Variants in PBX4 observed in about 807,000 individuals in gnomAD.
PBX4 encodes PBX homeobox 4, also known as pre-B-cell leukemia transcription factor 4.
A neutral mutation model predicts 35.1 loss-of-function variants in PBX4; 26 were observed. That is an observed-to-expected ratio of 0.74 (90% CI 0.54 to 1.03). The LOEUF (loss-of-function observed/expected upper bound fraction) is 1.03, where lower values mean the gene tolerates loss of function less well. Ranked by LOEUF, PBX4 falls within the 50% of genes least tolerant of loss-of-function variation. The pLI, the probability that PBX4 is intolerant of heterozygous loss-of-function variation, is 0.00. For missense variants in PBX4, 448 were observed against 504.3 expected (o/e 0.89, Z 1.07); for synonymous variants, 199 against 204.2 (o/e 0.97, Z 0.22).
intron 1 of PBX4, among the ~76,000 whole-genome samples, chr19:19,607,694 A>AT (rs1192085124): frequency 1.3e-5 from 2 of 152,162 alleles, no homozygotes; most frequent in Non-Finnish European, 2.9e-5. Context: ...TAAAAACATA[A>AT]TCCACATTCT....
In PBX4 at chr19:19,563,255, C is replaced by T. The variant is rs2061319516; in HGVS notation, c.1032+254G>A. On this transcript the variant is annotated intron_variant, in intron 7 of 7. Coordinates refer to ENST00000251203, the MANE Select transcript of PBX4 (RefSeq NM_025245.3). This position sits in a 1 kb window ranked among gnomAD's most constrained non-coding sequence, Gnocchi z 5.1. ...TGCCCTTCCCCTCCACAGCCAAAGC[C>T]CTCATCTTGGGGTTCATCCCCACTG... Among the ~76,000 whole-genome samples, 1 of 152,174 alleles carries T rather than the reference C, an allele frequency of 6.6e-6. No homozygotes were observed. Among genetic ancestry groups the T allele is most frequent in the Non-Finnish European group, 1.5e-5 (1 of 68,020 alleles).
Position 19,563,299 on chromosome 19 carries a change from C to T in PBX4, c.1032+210G>A, listed in dbSNP as rs1003321135. 1.3e-5 allele frequency among the ~76,000 whole-genome samples: 2 copies of T among 152,142 alleles called. No individual in the cohort carries two copies. The highest frequency in any genetic ancestry group is 2.4e-5 in the African/African-American group (1 of 41,418). On this transcript the variant is annotated intron_variant, in intron 7 of 7. Coordinates refer to ENST00000251203, the MANE Select transcript of PBX4 (RefSeq NM_025245.3). This position sits in a 1 kb window ranked among gnomAD's most constrained non-coding sequence, Gnocchi z 5.1. ...CCCACTGACTGTTCCCAGCGGCTGC[C>T]GTGGTGACAAGTGGAGGTGGGGGAG...
chr19:19,617,646 A>AT (rs2061695171), intron 1 of PBX4, among the ~76,000 whole-genome samples: 1 of 152,118 alleles, frequency 6.6e-6, no homozygotes, highest in Non-Finnish European at 1.5e-5. Context: ...GGACTATGTC[A>AT]GCACCCGGTT....
intron 1 of PBX4, among the ~76,000 whole-genome samples, chr19:19,614,674 A>C (rs2061679427): frequency 6.6e-6 from 1 of 152,034 alleles, no homozygotes; most frequent in South Asian, 2.1e-4. Flanking sequence ...AAAAACCCAA[A>C]CCAAACCAAA....
At chr19:19,612,126 C>T (rs938682185) in intron 1 of PBX4, among the ~76,000 whole-genome samples, 4 of 151,724 alleles carry the variant, frequency 2.6e-5, no homozygotes, top group African/African-American at 4.8e-5. Context: ...AAAATTAAGC[C>T]GGGCATGGTG....
rs2061322916 is a variant in PBX4, at chr19:19,563,688, CG to C, written c.926-74del. 1 of 1,294,478 alleles carries C rather than the reference CG, an allele frequency of 7.7e-7. No homozygotes were observed. The highest frequency in any genetic ancestry group is 1.3e-5 in the South Asian group (1 of 78,396). The allele number at this position is 1,294,478 out of a possible 1,614,324, so 80.2% of individuals were successfully genotyped here. ...GGTGGAACCCACCCAGCCCCTCAGCCGGCAGGAGGCCTCGAATGTGGCTCCT... is the reference window on the plus strand; with the variant it reads ...GGTGGAACCCACCCAGCCCCTCAGCCGCAGGAGGCCTCGAATGTGGCTCCT... On this transcript the variant is annotated intron_variant, in intron 6 of 7. Coordinates refer to ENST00000251203, the MANE Select transcript of PBX4 (RefSeq NM_025245.3). This position sits in a 1 kb window ranked among gnomAD's most constrained non-coding sequence, Gnocchi z 5.1.
intron 5 of PBX4, 40 bp downstream of exon 5, chr19:19,569,409 C>T (rs755345779): frequency 4.4e-6 from 7 of 1,585,216 alleles, no homozygotes; most frequent in Admixed American, 3.6e-5. Flanking sequence ...GTCATCCACT[C>T]CTCCCAGGCG....
Position 19,563,807 on chromosome 19 carries a change from T to G in PBX4, c.926-192A>C, listed in dbSNP as rs1249889763. 4 of 547,452 alleles carry G rather than the reference T, an allele frequency of 7.3e-6. No homozygotes were observed. The highest frequency in any genetic ancestry group is 2.0e-5 in the African/African-American group (1 of 50,148). 33.9% of individuals were successfully genotyped at this position (547,452 alleles called of 1,614,324 possible). ...CACACTACTCATGTCCCCTCATGGCTTGTCTTTTTTTTTTCTTTTTAAGAC... is the reference window on the plus strand; with the variant it reads ...CACACTACTCATGTCCCCTCATGGCGTGTCTTTTTTTTTTCTTTTTAAGAC... On this transcript the variant is annotated intron_variant, in intron 6 of 7. Transcript: ENST00000251203. The surrounding 1 kb of genome is among the most constrained non-coding windows in gnomAD (Gnocchi z 5.1).
chr19:19,584,942 T>C (rs1398484877), intron 2 of PBX4, among the ~76,000 whole-genome samples: 1 of 152,048 alleles, frequency 6.6e-6, no homozygotes, highest in Non-Finnish European at 1.5e-5. Context: ...TATCTTATGG[T>C]TTCCTGGGCA....
intron 5 of PBX4, among the ~76,000 whole-genome samples, chr19:19,568,318 CAG>C (rs2061357202): frequency 2.1e-5 from 3 of 143,102 alleles, no homozygotes; most frequent in Non-Finnish European, 4.6e-5. Flanking sequence ...CACACTCTAT[CAG>C]TATCCCTCAG....
intron 2 of PBX4, among the ~76,000 whole-genome samples, chr19:19,582,417 CAGA>C (rs2061460969): frequency 2.0e-5 from 3 of 152,296 alleles, no homozygotes; most frequent in Admixed American, 2.0e-4. Flanking sequence ...AACACACCAG[CAGA>C]AGAACACACC....
In PBX4 at chr19:19,618,499, C is replaced by G; in HGVS notation, c.119+12G>C. 6.8e-7 allele frequency: 1 copy of G among 1,470,904 alleles called. No individual in the cohort carries two copies. The highest frequency in any genetic ancestry group is 9.0e-7 in the Non-Finnish European group (1 of 1,106,286). The allele number at this position is 1,470,904 out of a possible 1,614,324, so 91.1% of individuals were successfully genotyped here. ...GACCCTGCGTGGCCCCTGCCGAGCC[C>G]GCGGGCAGCACCTGGCCTGTGCCTC... On this transcript the variant is annotated intron_variant, in intron 1 of 7. Transcript: ENST00000251203.
Position 19,565,097 on chromosome 19 carries a change from C to G in PBX4, c.769-8G>C, listed in dbSNP as rs2061333795. The G allele has an allele frequency of 6.2e-7, 1 of 1,614,134 alleles. No homozygotes were observed. The highest frequency in any genetic ancestry group is 8.5e-7 in the Non-Finnish European group (1 of 1,180,010). On this transcript the variant is annotated splice_polypyrimidine_tract_variant and splice_region_variant and intron_variant, in intron 5 of 7. Coordinates refer to ENST00000251203, the MANE Select transcript of PBX4 (RefSeq NM_025245.3). Reference sequence around the variant, plus strand: ...GCCAAACCAGTTAGAGACCTGCGGACACACAGGAGTCACTGGAGGAGCTGA... The same window carrying G: ...GCCAAACCAGTTAGAGACCTGCGGAGACACAGGAGTCACTGGAGGAGCTGA...
chr19:19,563,849 C>T lies in PBX4; in HGVS notation c.926-234G>A, dbSNP rs367559141. 1.2e-5 allele frequency: 5 copies of T among 412,490 alleles called. No individual in the cohort carries two copies. Among genetic ancestry groups the T allele is most frequent in the South Asian group, 4.6e-5 (2 of 43,768 alleles). The allele number at this position is 412,490 out of a possible 1,614,324, so 25.6% of individuals were successfully genotyped here. The stretch of plus-strand genomic sequence containing the variant: ...TTTTAAGACAGTCTCGCTCTGTCAC[C>T]CAGGCTTGAGTGCAGTGGCACGATC... On this transcript the variant is annotated intron_variant, in intron 6 of 7. Transcript: ENST00000251203. The surrounding 1 kb of genome is among the most constrained non-coding windows in gnomAD (Gnocchi z 5.1).
chr19:19,597,479 G>A (rs1336346773), intron 2 of PBX4, among the ~76,000 whole-genome samples: 1 of 152,158 alleles, frequency 6.6e-6, no homozygotes, highest in African/African-American at 2.4e-5. Context: ...TTCAGCCAAG[G>A]ACCAGGGTCA....
At position 19,563,661 on chromosome 19, in the gene PBX4, C is replaced by A; in HGVS notation, c.926-46G>T. The A allele has an allele frequency of 6.8e-7, 1 of 1,475,512 alleles. No individual in the cohort carries two copies. Among genetic ancestry groups the A allele is most frequent in the South Asian group, 1.2e-5 (1 of 82,364 alleles). The allele number at this position is 1,475,512 out of a possible 1,614,324, so 91.4% of individuals were successfully genotyped here. A position where few individuals can be genotyped will look rare whatever the true frequency, so the allele number is the denominator to read the frequency against. On this transcript the variant is annotated intron_variant, in intron 6 of 7. Transcript: ENST00000251203. The surrounding 1 kb of genome is among the most constrained non-coding windows in gnomAD (Gnocchi z 5.1). Reference sequence around the variant, plus strand: ...GGTGGGCAGAGTCGTGGCGCCTCCTCAGGTGGAACCCACCCAGCCCCTCAG... The same window carrying A: ...GGTGGGCAGAGTCGTGGCGCCTCCTAAGGTGGAACCCACCCAGCCCCTCAG...
intron 2 of PBX4, among the ~76,000 whole-genome samples, chr19:19,577,777 T>A (rs2061429189): frequency 6.6e-6 from 1 of 151,766 alleles, no homozygotes; most frequent in Non-Finnish European, 1.5e-5. Flanking sequence ...GGGAATCGCT[T>A]GGAACTGTGA....
chr19:19,601,709 T>C (rs1019689989), intron 1 of PBX4, among the ~76,000 whole-genome samples: 1 of 152,080 alleles, frequency 6.6e-6, no homozygotes, highest in African/African-American at 2.4e-5. Context: ...ACTATGTTGC[T>C]GGCCTTGATC....
At chr19:19,618,006 A>C (rs2061696956) in intron 1 of PBX4, among the ~76,000 whole-genome samples, 1 of 152,068 alleles carries the variant, frequency 6.6e-6, no homozygotes, top group African/African-American at 2.4e-5. Context: ...AATATACAAA[A>C]AAATCAGCCG....
Sources: allele counts gnomAD v4.1 joint callset (sites outside exome capture counted in the v4.1 genomes callset), GRCh38; gene constraint gnomAD v4.1.1; non-coding constraint Gnocchi (gnomAD v3.1); transcripts MANE v1.5; gene names NCBI Gene and HGNC (gene_info 2026-07-23, HGNC 2026-07-21).